CPNE4: variants seen among roughly 807,000 people sequenced by gnomAD.
CPNE4 encodes copine-4.
In CPNE4, 25 loss-of-function variants were observed where a neutral mutation model predicts 67.9. The observed-to-expected ratio is 0.37, with a 90% CI of 0.27 to 0.51. CPNE4 has a LOEUF of 0.51. Among genes scored for constraint, CPNE4 ranks in the 20% least tolerant of loss-of-function variants. CPNE4 has a pLI of 0.93. For synonymous variants in CPNE4, 242 were observed against 244.9 expected, an observed-to-expected ratio of 0.99 and a Z score of 0.11; for missense variants, 464 against 690.8, an observed-to-expected ratio of 0.67 and a Z score of 3.68.
chr3:132,001,961 T>C (rs1434966402), intron 1 of CPNE4, among the ~76,000 whole-genome samples: 1 of 152,144 alleles, frequency 6.6e-6, no homozygotes, highest in Non-Finnish European at 1.5e-5. Flanking sequence ...TTGTGTTTTT[T>C]TCCTATTTAT....
intron 6 of CPNE4, among the ~76,000 whole-genome samples, chr3:131,677,309 T>C (rs1370766667): frequency 2.0e-5 from 3 of 152,044 alleles, no homozygotes; most frequent in Non-Finnish European, 4.4e-5. Flanking sequence ...TTGTTTAAGT[T>C]CCTTATAGAC....
At chr3:131,805,114 T>C (rs962587246) in intron 2 of CPNE4, among the ~76,000 whole-genome samples, 2 of 152,178 alleles carry the variant, frequency 1.3e-5, no homozygotes, top group Non-Finnish European at 2.9e-5. Flanking sequence ...TTCTGTGATT[T>C]TTCTCTCCTC....
At chr3:131,581,879 T>A (rs1415282565) in intron 8 of CPNE4, among the ~76,000 whole-genome samples, 1 of 152,212 alleles carries the variant, frequency 6.6e-6, no homozygotes, top group African/African-American at 2.4e-5. Flanking sequence ...GCAACTCCGC[T>A]TCCCTGCTTA....
intron 1 of CPNE4, among the ~76,000 whole-genome samples, chr3:132,001,243 C>A (rs146621291): frequency 2.0e-5 from 3 of 152,000 alleles, no homozygotes; most frequent in Non-Finnish European, 4.4e-5. Flanking sequence ...CTAGGTCAAC[C>A]AAAAGATTAC....
intron 1 of CPNE4, among the ~76,000 whole-genome samples, chr3:132,025,846 A>G (rs1231603607): frequency 6.6e-6 from 1 of 152,180 alleles, no homozygotes; most frequent in African/African-American, 2.4e-5. Flanking sequence ...CCAATACACA[A>G]TCTTACCTAC....
chr3:131,675,759 C>A (rs933444970), intron 6 of CPNE4, among the ~76,000 whole-genome samples: 34 of 119,636 alleles, frequency 2.8e-4, no homozygotes, highest in Non-Finnish European at 8.3e-5. Flanking sequence ...CATTCGGCAA[C>A]CCTATGTCTT....
intron 2 of CPNE4, among the ~76,000 whole-genome samples, chr3:131,871,052 T>C (rs1265225864): frequency 2.6e-5 from 4 of 152,038 alleles, no homozygotes; most frequent in Non-Finnish European, 5.9e-5. Flanking sequence ...TGGAGAAAGT[T>C]CCAAGAGTTC....
intron 7 of CPNE4, among the ~76,000 whole-genome samples, chr3:131,655,012 A>T (rs1366124803): frequency 6.6e-6 from 1 of 152,190 alleles, no homozygotes; most frequent in South Asian, 2.1e-4. Flanking sequence ...TCTTTGAGTA[A>T]TTGAATTGGA....
At chr3:131,835,080 A>G (rs994997095) in intron 2 of CPNE4, among the ~76,000 whole-genome samples, 28 of 152,224 alleles carry the variant, frequency 1.8e-4, no homozygotes, top group African/African-American at 6.8e-4. Context: ...TAAAGCACTT[A>G]TCCAGAAGAT....
intron 2 of CPNE4, among the ~76,000 whole-genome samples, chr3:131,853,436 G>A (rs1367425791): frequency 6.6e-6 from 1 of 151,738 alleles, no homozygotes; most frequent in Non-Finnish European, 1.5e-5. Flanking sequence ...TGGATTATAG[G>A]CTGAAAGAAA....
intron 7 of CPNE4, among the ~76,000 whole-genome samples, chr3:131,627,480 T>G (rs1337076895): frequency 2.0e-5 from 3 of 151,914 alleles, no homozygotes; most frequent in African/African-American, 7.3e-5. Flanking sequence ...CAACATCCAT[T>G]CTGCAGCCCA....
intron 1 of CPNE4, among the ~76,000 whole-genome samples, chr3:131,962,271 G>A (rs991383502): frequency 6.6e-6 from 1 of 152,208 alleles, no homozygotes; most frequent in Non-Finnish European, 1.5e-5. Flanking sequence ...GCTAAGTCAA[G>A]GGTAGATGAA....
At chr3:131,975,834 T>G (rs1238589006) in intron 1 of CPNE4, among the ~76,000 whole-genome samples, 1 of 152,018 alleles carries the variant, frequency 6.6e-6, no homozygotes, top group Non-Finnish European at 1.5e-5. Flanking sequence ...AACAAATATA[T>G]CAGGTTATGA....
chr3:131,994,262 T>C lies in CPNE4; in HGVS notation c.-2+40305A>G, dbSNP rs538410313. Among the ~76,000 whole-genome samples the C allele has an allele frequency of 1.5e-4, 20 of 136,550 alleles. 3 individuals are homozygous for C. The highest frequency in any genetic ancestry group is 4.1e-4 in the Admixed American group (5 of 12,152). The allele number at this position is 136,550 out of a possible 152,430, so 89.6% of individuals were successfully genotyped here. ...AAGATTTAATATTGTGTAGAATCAA[T>C]GCAGTTCCAACCAAAAGTATCAGTA... On this transcript the variant is annotated intron_variant, in intron 1 of 15. Coordinates refer to ENST00000429747, the MANE Select transcript of CPNE4 (RefSeq NM_130808.3).
intron 10 of CPNE4, among the ~76,000 whole-genome samples, chr3:131,566,776 T>C (rs552423467): frequency 6.6e-6 from 1 of 151,896 alleles, no homozygotes; most frequent in Non-Finnish European, 1.5e-5. Flanking sequence ...CTTGCACAGG[T>C]GTACATAGTG....
intron 1 of CPNE4, among the ~76,000 whole-genome samples, chr3:131,971,633 A>G (rs1336417959): frequency 6.6e-6 from 1 of 152,042 alleles, no homozygotes; most frequent in Non-Finnish European, 1.5e-5. Flanking sequence ...CTTCAGTTGC[A>G]CTCTCTACCT....
At chr3:131,839,352 A>G (rs2085683584) in intron 2 of CPNE4, among the ~76,000 whole-genome samples, 1 of 151,858 alleles carries the variant, frequency 6.6e-6, no homozygotes, top group Admixed American at 6.6e-5. Context: ...AGACAATATA[A>G]CACCATGGGA....
At chr3:131,798,010 C>G (rs979737261) in intron 2 of CPNE4, among the ~76,000 whole-genome samples, 62 of 152,182 alleles carry the variant, frequency 4.1e-4, no homozygotes, top group African/African-American at 1.4e-3. Flanking sequence ...GCTATGTCCT[C>G]AAATGACTGA....
intron 6 of CPNE4, among the ~76,000 whole-genome samples, chr3:131,677,994 T>A (rs1310243867): frequency 2.0e-5 from 3 of 152,184 alleles, no homozygotes; most frequent in African/African-American, 7.2e-5. Flanking sequence ...TTAATAGGAA[T>A]AGCATTGAAT....
Sources: allele counts gnomAD v4.1 joint callset (sites outside exome capture counted in the v4.1 genomes callset), GRCh38; gene constraint gnomAD v4.1.1; transcripts MANE v1.5; gene names NCBI Gene and HGNC (gene_info 2026-07-23, HGNC 2026-07-21).